Variants in LRMDA observed in about 807,000 individuals in gnomAD.
LRMDA encodes the protein leucine-rich melanocyte differentiation-associated protein.
LRMDA carries 18 observed loss-of-function variants against 29.8 expected under a neutral mutation model. The observed-to-expected ratio is 0.60, with a 90% CI of 0.42 to 0.90. LRMDA has a LOEUF of 0.90. Ranked by LOEUF, LRMDA falls within the 40% of genes least tolerant of loss-of-function variation. The pLI is 0.00. For synonymous variants in LRMDA, 125 were observed against 109.4 expected (o/e 1.14, Z -0.89); for missense variants, 273 against 273.9 (o/e 1.00, Z 0.02).
chr10:75,434,841 A>G (rs1844246853), intron 1 of LRMDA, among the ~76,000 whole-genome samples: 1 of 152,188 alleles, frequency 6.6e-6, no homozygotes, highest in Non-Finnish European at 1.5e-5. Context: ...ACTGTTGACA[A>G]ACTCATCATC....
intron 6 of LRMDA, among the ~76,000 whole-genome samples, chr10:76,451,640 T>C (rs998977692): frequency 6.6e-6 from 1 of 150,802 alleles, no homozygotes. Flanking sequence ...GCTTCTCCAA[T>C]GCTTTTTTTT....
At chr10:76,259,256 A>G (rs552676951) in intron 5 of LRMDA, among the ~76,000 whole-genome samples, 1 of 152,048 alleles carries the variant, frequency 6.6e-6, no homozygotes, top group Admixed American at 6.5e-5. Flanking sequence ...GGCCATTCGT[A>G]TGTCTTCTTT....
intron 6 of LRMDA, among the ~76,000 whole-genome samples, chr10:76,373,212 A>G (rs1328442911): frequency 6.6e-6 from 1 of 152,152 alleles, no homozygotes; most frequent in Admixed American, 6.5e-5. Context: ...ATGTCCATAC[A>G]TTCTTCCAAA....
chr10:75,968,216 C>T (rs1056659021), intron 2 of LRMDA, among the ~76,000 whole-genome samples: 2 of 151,990 alleles, frequency 1.3e-5, no homozygotes, highest in African/African-American at 4.8e-5. Flanking sequence ...TTGTGAGCCC[C>T]ACTAGAGCTG....
intron 2 of LRMDA, among the ~76,000 whole-genome samples, chr10:75,991,875 G>C (rs1198401540): frequency 6.6e-6 from 1 of 152,210 alleles, no homozygotes; most frequent in Non-Finnish European, 1.5e-5. Context: ...GAGGACAGCA[G>C]TCAGCTGCCC....
chr10:76,006,055 C>T (rs1233339569), intron 2 of LRMDA, among the ~76,000 whole-genome samples: 1 of 152,142 alleles, frequency 6.6e-6, no homozygotes, highest in Non-Finnish European at 1.5e-5. Flanking sequence ...AATGGAGTCG[C>T]TGTTTCACAA....
intron 5 of LRMDA, among the ~76,000 whole-genome samples, chr10:76,249,232 C>T (rs1026693245): frequency 2.0e-5 from 3 of 152,176 alleles, no homozygotes; most frequent in Admixed American, 6.5e-5. Flanking sequence ...CTTTCCTCAC[C>T]GACTTTCTTG....
At chr10:76,424,636 C>G (rs1842105349) in intron 6 of LRMDA, among the ~76,000 whole-genome samples, 1 of 152,326 alleles carries the variant, frequency 6.6e-6, no homozygotes. Flanking sequence ...TCTTCACTTT[C>G]ATTTCTTATT....
At chr10:75,756,795 A>C (rs1843037716) in intron 2 of LRMDA, among the ~76,000 whole-genome samples, 1 of 152,204 alleles carries the variant, frequency 6.6e-6, no homozygotes. Context: ...CATAGCTAGT[A>C]AACTGGAGGA....
intron 6 of LRMDA, among the ~76,000 whole-genome samples, chr10:76,556,143 C>T (rs1009075189): frequency 6.6e-6 from 1 of 151,982 alleles, no homozygotes; most frequent in African/African-American, 2.4e-5. Flanking sequence ...AAAGTTCAAC[C>T]CTATTGTAGG....
intron 2 of LRMDA, among the ~76,000 whole-genome samples, chr10:75,606,498 G>A (rs572301335): frequency 6.6e-6 from 1 of 152,208 alleles, no homozygotes; most frequent in South Asian, 2.1e-4. Context: ...AGTCCATTCC[G>A]GGCTACATGG....
At chr10:75,848,019 T>C (rs529504065) in intron 2 of LRMDA, among the ~76,000 whole-genome samples, 1 of 152,250 alleles carries the variant, frequency 6.6e-6, no homozygotes, top group South Asian at 2.1e-4. Context: ...CTCAGAAAAT[T>C]AAAAGTAGAA....
intron 5 of LRMDA, among the ~76,000 whole-genome samples, chr10:76,288,501 T>C (rs1324363684): frequency 6.6e-6 from 1 of 152,022 alleles, no homozygotes; most frequent in Non-Finnish European, 1.5e-5. Flanking sequence ...CAAAAGCAAT[T>C]GAAACAAAAG....
intron 6 of LRMDA, among the ~76,000 whole-genome samples, chr10:76,421,498 CAATT>C (rs1389738870): frequency 6.6e-6 from 1 of 152,108 alleles, no homozygotes; most frequent in Non-Finnish European, 1.5e-5. Flanking sequence ...GACTATTTAA[CAATT>C]AATATAGTGA....
intron 2 of LRMDA, among the ~76,000 whole-genome samples, chr10:76,026,427 G>C: frequency 6.6e-6 from 1 of 152,202 alleles, no homozygotes; most frequent in African/African-American, 2.4e-5. Context: ...GAAGTAGGGG[G>C]AGAGTGGAAC....
At chr10:75,637,362 T>C (rs755126021) in intron 2 of LRMDA, among the ~76,000 whole-genome samples, 1 of 152,120 alleles carries the variant, frequency 6.6e-6, no homozygotes, top group Non-Finnish European at 1.5e-5. Flanking sequence ...TTGGGAGCTA[T>C]TGACAGTACA....
chr10:75,538,595 AGTTTT>A (rs1179343227), intron 2 of LRMDA, among the ~76,000 whole-genome samples: 3 of 146,986 alleles, frequency 2.0e-5, no homozygotes, highest in African/African-American at 5.2e-5. Flanking sequence ...GGCATTGAGT[AGTTTT>A]GTTTGTTTGT....
chr10:76,212,071 A>G (rs1015779351), intron 5 of LRMDA, among the ~76,000 whole-genome samples: 1 of 152,200 alleles, frequency 6.6e-6, no homozygotes, highest in African/African-American at 2.4e-5. Context: ...TCTCAGCATC[A>G]CAGAATCTTA....
At chr10:75,505,358 A>G (rs1845158393) in intron 2 of LRMDA, among the ~76,000 whole-genome samples, 1 of 152,082 alleles carries the variant, frequency 6.6e-6, no homozygotes, top group Non-Finnish European at 1.5e-5. Flanking sequence ...TTTCCCTTCA[A>G]GGTCACCACC....
Sources: gnomAD v4.1 joint callset for allele counts (sites outside exome capture counted in the v4.1 genomes callset) on GRCh38, gnomAD v4.1.1 for gene constraint, MANE v1.5 for transcripts, NCBI Gene and HGNC (gene_info 2026-07-23, HGNC 2026-07-21) for gene names.